DNAH7: variants seen among roughly 807,000 people sequenced by gnomAD.
The protein encoded by DNAH7 is dynein axonemal heavy chain 7.
Under a neutral mutation model 444.6 loss-of-function variants are expected in DNAH7, and 397 were observed. The observed-to-expected ratio is 0.89, with a 90% CI of 0.82 to 0.97. The LOEUF is 0.97. Among genes scored for constraint, DNAH7 ranks in the 50% least tolerant of loss-of-function variants. The probability of loss-of-function intolerance (pLI) is 0.00; values close to 1 mark genes in which losing one functional copy is unlikely to be tolerated. For missense variants in DNAH7, 4,902 were observed against 4,800.8 expected (o/e 1.02, Z -0.62); for synonymous variants, 1,636 against 1,624.4 (o/e 1.01, Z -0.17).
chr2:195,994,178 G>A (rs1693541483), intron 12 of DNAH7: 1 of 222,078 alleles, frequency 4.5e-6, no homozygotes, highest in African/African-American at 2.3e-5. Context: ...GGACCACACT[G>A]CATGACAGAT....
intron 19 of DNAH7, among the ~76,000 whole-genome samples, chr2:195,953,362 T>G (rs1234249836): frequency 6.6e-6 from 1 of 152,120 alleles, no homozygotes; most frequent in Non-Finnish European, 1.5e-5. Context: ...CTGTATGAGG[T>G]GTCTGTTGAC....
chr2:195,995,437 T>C, intron 12 of DNAH7: 1 of 428,574 alleles, frequency 2.3e-6, no homozygotes, highest in South Asian at 1.9e-5. Flanking sequence ...GTTTTAGGAC[T>C]ATCTGGACTT....
chr2:195,964,618 G>A (rs1279044652), intron 17 of DNAH7, among the ~76,000 whole-genome samples: 1 of 143,726 alleles, frequency 7.0e-6, no homozygotes, highest in East Asian at 2.0e-4. Flanking sequence ...TGTAATCCCA[G>A]CACTTTGGGA....
intron 12 of DNAH7, among the ~76,000 whole-genome samples, chr2:195,989,354 T>C (rs937011430): frequency 6.6e-5 from 10 of 152,176 alleles, no homozygotes; most frequent in African/African-American, 2.2e-4. Flanking sequence ...ACACATCATC[T>C]TTTGTCTTTT....
intron 57 of DNAH7, among the ~76,000 whole-genome samples, chr2:195,787,634 G>C (rs116099776): frequency 0.018 from 2,769 of 152,274 alleles, 79 homozygotes; most frequent in African/African-American, 0.063. Context: ...GAGATTTCCT[G>C]GGAGGGAACA....
intron 21 of DNAH7, among the ~76,000 whole-genome samples, chr2:195,929,695 C>T (rs1227555322): frequency 6.6e-6 from 1 of 152,084 alleles, no homozygotes; most frequent in Non-Finnish European, 1.5e-5. Flanking sequence ...ACTTTACCCC[C>T]AACTTTCATC....
Position 195,960,546 on chromosome 2 carries a change from C to T in DNAH7, c.2605G>A (p.Asp869Asn). The change falls in exon 18 of 65, where the codon GAT (aspartate) becomes AAT (asparagine). Residue 869 changes from aspartate to asparagine, a missense_variant. Transcript: ENST00000312428. ...AIVGYPLQPS[D>N]DSTVSSFLDM... The stretch of plus-strand genomic sequence containing the variant: ...AAAAAAGAGGAGACTGTGGAGTCAT[C>T]TGATGGCTGCAAAGGGTAACCAACA... The T allele has an allele frequency of 6.2e-7, 1 of 1,614,228 alleles. No homozygotes were observed. The highest frequency in any genetic ancestry group is 1.3e-5 in the African/African-American group (1 of 75,070).
chr2:195,902,181 CTAAGT>C (rs1255076257), intron 27 of DNAH7: 2 of 152,052 alleles, frequency 1.3e-5, no homozygotes, highest in African/African-American at 2.4e-5. Context: ...TATGACTCTT[CTAAGT>C]TGAGAACAAT....
rs561029684 is a variant in DNAH7 at position 196,047,058 on chromosome 2, A to G, written c.398+294T>C. On this transcript the variant is annotated intron_variant, in intron 5 of 64. Coordinates refer to ENST00000312428, the MANE Select transcript of DNAH7 (RefSeq NM_018897.3). ...ATCACCTGAGCAGATGAGATTGGGG[A>G]AAAAAAACCTGCTAGAATCCTCCAC... Among the ~76,000 whole-genome samples, 72 of 135,830 alleles carry G rather than the reference A, an allele frequency of 5.3e-4. 1 individual carries two copies. The highest frequency in any genetic ancestry group is 2.2e-3 in the African/African-American group (70 of 31,256). 89.1% of individuals were successfully genotyped at this position (135,830 alleles called of 152,430 possible). A position where few individuals can be genotyped will look rare whatever the true frequency, so the allele number is the denominator to read the frequency against.
At chr2:195,780,561 C>T (rs955289750) in intron 58 of DNAH7, among the ~76,000 whole-genome samples, 24 of 152,076 alleles carry the variant, frequency 1.6e-4, no homozygotes, top group African/African-American at 5.8e-4. Context: ...CCAGCCTGGC[C>T]AACATGGTGA....
At chr2:195,914,475 C>T (rs1559218232) in intron 24 of DNAH7, among the ~76,000 whole-genome samples, 1 of 152,118 alleles carries the variant, frequency 6.6e-6, no homozygotes, top group Non-Finnish European at 1.5e-5. Flanking sequence ...TGGGCCTGCC[C>T]CTGTGCCATA....
intron 19 of DNAH7, among the ~76,000 whole-genome samples, chr2:195,944,087 T>C (rs1689643380): frequency 6.6e-6 from 1 of 151,970 alleles, no homozygotes; most frequent in Non-Finnish European, 1.5e-5. Context: ...CAACATAAAT[T>C]CATACTTCTG....
rs535044748 is a variant in DNAH7 at position 195,837,947 on chromosome 2, A to G, written c.8946-3587T>C. Among the ~76,000 whole-genome samples, 9 of 152,308 alleles carry G rather than the reference A, an allele frequency of 5.9e-5. 1 individual carries two copies. In the South Asian group the frequency reaches 1.7e-3, roughly 28 times the overall value. ...ACTTCATCATTTTGGCCATTAAAAAAGTATAAAAAAGGTGCCCCTGGGATA... is the reference window on the plus strand; with the variant it reads ...ACTTCATCATTTTGGCCATTAAAAAGGTATAAAAAAGGTGCCCCTGGGATA... On this transcript the variant is annotated intron_variant, in intron 47 of 64. Transcript: ENST00000312428.
intron 5 of DNAH7, 68 bp downstream of exon 5, chr2:196,047,284 T>G: frequency 1.5e-6 from 2 of 1,363,398 alleles, no homozygotes; most frequent in Non-Finnish European, 2.0e-6. Context: ...AATTCTAATA[T>G]TCTTAGGTTA....
chr2:196,017,023 T>C (rs1182389929), intron 9 of DNAH7, among the ~76,000 whole-genome samples: 1 of 152,226 alleles, frequency 6.6e-6, no homozygotes, highest in Non-Finnish European at 1.5e-5. Flanking sequence ...TAATTTTATT[T>C]TGAGCTGGAG....
At chr2:195,760,392 C>G (rs1694293725) in intron 61 of DNAH7, among the ~76,000 whole-genome samples, 1 of 152,078 alleles carries the variant, frequency 6.6e-6, no homozygotes, top group African/African-American at 2.4e-5. Context: ...GCTTTGCCAC[C>G]TGCTGACTGT....
intron 46 of DNAH7, among the ~76,000 whole-genome samples, chr2:195,849,253 A>C (rs2125026766): frequency 6.6e-6 from 1 of 152,204 alleles, no homozygotes; most frequent in Middle Eastern, 3.4e-3. Context: ...GTACTTCCTT[A>C]CTCTTGCTCA....
chr2:195,967,961 C>G (rs576423271), intron 17 of DNAH7, among the ~76,000 whole-genome samples: 275 of 152,284 alleles, frequency 1.8e-3, no homozygotes, highest in African/African-American at 6.3e-3. Context: ...CTCCTCTTTC[C>G]ACAAGTGGAA....
intron 48 of DNAH7, among the ~76,000 whole-genome samples, chr2:195,832,663 A>G (rs1029054020): frequency 2.0e-5 from 3 of 151,904 alleles, no homozygotes; most frequent in African/African-American, 7.2e-5. Flanking sequence ...GTTAGCCTCA[A>G]ACTCCTGGGT....
Sources: gnomAD v4.1 joint callset for allele counts (sites outside exome capture counted in the v4.1 genomes callset) on GRCh38, gnomAD v4.1.1 for gene constraint, MANE v1.5 for transcripts, NCBI Gene and HGNC (gene_info 2026-07-23, HGNC 2026-07-21) for gene names.